DPYD: variants seen among roughly 807,000 people sequenced by gnomAD.
The protein encoded by DPYD is dihydropyrimidine dehydrogenase [NADP(+)].
Under a neutral mutation model 116.2 loss-of-function variants are expected in DPYD, and 109 were observed. The ratio of observed to expected loss-of-function variants is 0.94; its 90% confidence interval spans 0.80 to 1.10. The LOEUF (loss-of-function observed/expected upper bound fraction) is 1.10. DPYD is among the 50% of genes least tolerant of loss of function. DPYD has a pLI of 0.00. For missense variants in DPYD, 1,302 were observed against 1,254.5 expected (o/e 1.04, Z -0.57); for synonymous variants, 440 against 432.0 (o/e 1.02, Z -0.23).
chr1:97,812,294 G>A (rs1485550120), intron 3 of DPYD, among the ~76,000 whole-genome samples: 1 of 152,060 alleles, frequency 6.6e-6, no homozygotes, highest in South Asian at 2.1e-4. Context: ...GTATTTGACA[G>A]GCCTCATAAA....
At chr1:97,124,424 A>C (rs564068836) in intron 20 of DPYD, among the ~76,000 whole-genome samples, 1 of 152,258 alleles carries the variant, frequency 6.6e-6, no homozygotes, top group East Asian at 1.9e-4. Flanking sequence ...AGTAATTTTA[A>C]AAACATGGAG....
At chr1:97,546,642 C>T in intron 12 of DPYD, 4 of 1,612,668 alleles carry the variant, frequency 2.5e-6, no homozygotes, top group African/African-American at 1.3e-5. Flanking sequence ...GGTGGCTTTA[C>T]ATTGCAGATA....
intron 2 of DPYD, among the ~76,000 whole-genome samples, chr1:97,838,706 G>A (rs558523472): frequency 1.3e-5 from 2 of 152,196 alleles, no homozygotes; most frequent in Admixed American, 6.5e-5. Context: ...TTAGCCGGGC[G>A]CGGTGGCGGG....
intron 13 of DPYD, among the ~76,000 whole-genome samples, chr1:97,508,234 G>A (rs1647504293): frequency 6.6e-6 from 1 of 152,086 alleles, no homozygotes; most frequent in South Asian, 2.1e-4. Flanking sequence ...GTTTTGAATG[G>A]TTAACAAGAG....
rs560218487 is a variant in DPYD at position 97,336,457 on chromosome 1, A to G, written c.2059-30160T>C. On this transcript the variant is annotated intron_variant, in intron 16 of 22. Transcript: ENST00000370192. ...TGTACTAACATATTTAAATCATATCAAGGAAAGAAGGCTGGGTGTGATGGC... is the reference window on the plus strand; with the variant it reads ...TGTACTAACATATTTAAATCATATCGAGGAAAGAAGGCTGGGTGTGATGGC... Among the ~76,000 whole-genome samples, 139 of 152,264 alleles carry G rather than the reference A, an allele frequency of 9.1e-4. 1 individual carries two copies. Among genetic ancestry groups the G allele is most frequent in the African/African-American group, 3.2e-3 (131 of 41,556 alleles).
rs114168868 is a variant in DPYD at position 97,680,659 on chromosome 1, G to A, written c.763-1477C>T. ...AGTAATAATATATGTAATCTGAAGC[G>A]ATCTGGACATCCCACAGAACGTCAC... is the stretch of plus-strand genomic sequence containing the variant. On this transcript the variant is annotated intron_variant, in intron 7 of 22. Coordinates refer to ENST00000370192, the MANE Select transcript of DPYD (RefSeq NM_000110.4). Among the ~76,000 whole-genome samples, 907 of 152,182 alleles carry A rather than the reference G, an allele frequency of 6.0e-3. 12 individuals are homozygous for A. The highest frequency in any genetic ancestry group is 0.021 in the African/African-American group (862 of 41,520).
intron 20 of DPYD, among the ~76,000 whole-genome samples, chr1:97,115,597 C>T (rs573420348): frequency 6.6e-6 from 1 of 152,126 alleles, no homozygotes; most frequent in Non-Finnish European, 1.5e-5. Context: ...CTACAGTGAG[C>T]ACACACTACT....
At chr1:97,476,085 C>G (rs551661359) in intron 13 of DPYD, among the ~76,000 whole-genome samples, 1 of 152,250 alleles carries the variant, frequency 6.6e-6, no homozygotes, top group South Asian at 2.1e-4. Flanking sequence ...AACTGACAGA[C>G]TACATCAATC....
intron 20 of DPYD, among the ~76,000 whole-genome samples, chr1:97,105,782 T>G (rs1651093167): frequency 6.6e-6 from 1 of 152,074 alleles, no homozygotes; most frequent in African/African-American, 2.4e-5. Context: ...GAGCAATTAA[T>G]TCCAACTCAG....
At chr1:97,173,315 C>CACATATATGT (rs1213589856) in intron 20 of DPYD, among the ~76,000 whole-genome samples, 1 of 142,906 alleles carries the variant, frequency 7.0e-6, no homozygotes, top group African/African-American at 2.9e-5. Context: ...TATATATGCA[C>CACATATATGT]ACATATATAC....
intron 8 of DPYD, among the ~76,000 whole-genome samples, chr1:97,637,259 T>A (rs1479085291): frequency 6.6e-6 from 1 of 152,104 alleles, no homozygotes; most frequent in African/African-American, 2.4e-5. Flanking sequence ...TTTGTTCTCC[T>A]CAAAACCAAT....
intron 16 of DPYD, among the ~76,000 whole-genome samples, chr1:97,365,749 C>A (rs1670999604): frequency 6.6e-6 from 1 of 152,050 alleles, no homozygotes; most frequent in South Asian, 2.1e-4. Context: ...CACCTCAGTA[C>A]CCCAAGTAGC....
intron 5 of DPYD, among the ~76,000 whole-genome samples, chr1:97,700,768 A>G (rs1405825540): frequency 6.6e-6 from 1 of 152,040 alleles, no homozygotes; most frequent in East Asian, 1.9e-4. Flanking sequence ...TAGAATAACT[A>G]TGATTGATAT....
chr1:97,383,415 G>T (rs139445170), intron 14 of DPYD, among the ~76,000 whole-genome samples: 6,524 of 150,150 alleles, frequency 0.043, 253 homozygotes, highest in East Asian at 0.17. Flanking sequence ...GGTGGAAGTT[G>T]CAGTGAGCCA....
At chr1:97,194,830 G>T (rs2101828364) in intron 19 of DPYD, among the ~76,000 whole-genome samples, 1 of 152,172 alleles carries the variant, frequency 6.6e-6, no homozygotes, top group South Asian at 2.1e-4. Flanking sequence ...AGCAGCATGA[G>T]AATGGACTAT....
intron 14 of DPYD, among the ~76,000 whole-genome samples, chr1:97,396,925 A>G (rs1673040364): frequency 6.9e-6 from 1 of 145,494 alleles, no homozygotes; most frequent in African/African-American, 2.5e-5. Flanking sequence ...TGCTACACCA[A>G]CCACTACTCA....
At chr1:97,519,624 G>A (rs1414166401) in intron 12 of DPYD, among the ~76,000 whole-genome samples, 1 of 152,116 alleles carries the variant, frequency 6.6e-6, no homozygotes, top group African/African-American at 2.4e-5. Context: ...AACAATCAAA[G>A]AGACTATCTA....
intron 3 of DPYD, among the ~76,000 whole-genome samples, chr1:97,756,398 T>C (rs1665239152): frequency 6.6e-6 from 1 of 152,158 alleles, no homozygotes; most frequent in Non-Finnish European, 1.5e-5. Flanking sequence ...AGGGAAGATC[T>C]CTGATGGAAG....
intron 13 of DPYD, among the ~76,000 whole-genome samples, chr1:97,505,046 T>C (rs1462762050): frequency 6.6e-6 from 1 of 151,862 alleles, no homozygotes; most frequent in Non-Finnish European, 1.5e-5. Context: ...TGAAGAACAA[T>C]AAATGTCTCC....
Sources: allele counts gnomAD v4.1 joint callset (sites outside exome capture counted in the v4.1 genomes callset), GRCh38; gene constraint gnomAD v4.1.1; transcripts MANE v1.5; gene names NCBI Gene and HGNC (gene_info 2026-07-23, HGNC 2026-07-21).